Variants in NELFCD observed in about 807,000 individuals in gnomAD.
The protein encoded by NELFCD is negative elongation factor C/D.
Under a neutral mutation model 72.9 loss-of-function variants are expected in NELFCD, and 48 were observed. The ratio of observed to expected loss-of-function variants is 0.66; its 90% confidence interval spans 0.52 to 0.84. NELFCD has a LOEUF of 0.84. NELFCD is among the 40% of genes least tolerant of loss of function. NELFCD has a pLI of 0.00. For missense variants in NELFCD, 538 were observed against 723.8 expected (o/e 0.74, Z 2.94); for synonymous variants, 297 against 280.6 (o/e 1.06, Z -0.59).
intron 4 of NELFCD, among the ~76,000 whole-genome samples, chr20:58,988,466 G>A (rs1310343379): frequency 1.3e-5 from 2 of 152,218 alleles, no homozygotes; most frequent in African/African-American, 4.8e-5. Flanking sequence ...AGGATGGCAG[G>A]TTCAGAGCAC....
rs769402275 is a variant in NELFCD, at chr20:58,986,874, G to T, written c.286+11G>T. ...GGCTCATTCAGACAGGTGCTTTGTG[G>T]GTGTCCCCTGTCCTGGCTAGTTACC... On this transcript the variant is annotated intron_variant, in intron 3 of 14. Transcript: ENST00000652272. This position sits in a 1 kb window ranked among gnomAD's most constrained non-coding sequence, Gnocchi z 4.4. 3 of 1,589,590 alleles carry T rather than the reference G, an allele frequency of 1.9e-6. No homozygotes were observed. The South Asian group carries it at 3.3e-5, about 18-fold the overall frequency.
chr20:58,993,325 G>A lies in NELFCD; in HGVS notation c.1345-124G>A. The A allele has an allele frequency of 1.0e-6, 1 of 964,768 alleles. No homozygotes were observed. Among genetic ancestry groups the A allele is most frequent in the East Asian group, 2.6e-5 (1 of 38,630 alleles). 59.8% of individuals were successfully genotyped at this position (964,768 alleles called of 1,614,324 possible). A position where few individuals can be genotyped will look rare whatever the true frequency, so the allele number is the denominator to read the frequency against. On this transcript the variant is annotated intron_variant, in intron 11 of 14. Transcript: ENST00000652272. This position sits in a 1 kb window ranked among gnomAD's most constrained non-coding sequence, Gnocchi z 5.0. Reference sequence around the variant, plus strand: ...AGTGTTACTGGAAGCTGATGGCCCTGGCTTAGGTGTCAGGACCTTCTTCCA... The same window carrying A: ...AGTGTTACTGGAAGCTGATGGCCCTAGCTTAGGTGTCAGGACCTTCTTCCA...
At chr20:58,988,755 T>C (rs951955004) in intron 4 of NELFCD, among the ~76,000 whole-genome samples, 159 bp from the exon 5 acceptor site, 22 of 152,194 alleles carry the variant, frequency 1.4e-4, no homozygotes, top group African/African-American at 5.3e-4. Context: ...CTCAGCCGAC[T>C]GTGTGGCTGT....
At chr20:58,984,948 G>C (rs911114831) in intron 1 of NELFCD, among the ~76,000 whole-genome samples, 2 of 152,242 alleles carry the variant, frequency 1.3e-5, no homozygotes, top group Non-Finnish European at 2.9e-5. Context: ...TGGTCTGAGA[G>C]AAGACTCCAC....
intron 1 of NELFCD, among the ~76,000 whole-genome samples, chr20:58,984,607 A>G (rs1027878701): frequency 6.6e-6 from 1 of 152,144 alleles, no homozygotes; most frequent in Non-Finnish European, 1.5e-5. Flanking sequence ...TTACGGAAAT[A>G]TGGGTTGTAG....
intron 14 of NELFCD, 43 bp from the exon 15 acceptor site, chr20:58,994,599 C>T (rs1396090858): frequency 7.9e-7 from 1 of 1,267,126 alleles, no homozygotes; most frequent in Admixed American, 1.9e-5. Context: ...ATGTCATGTT[C>T]TACTTCCTGT....
chr20:58,993,703 T>A lies in NELFCD; in HGVS notation c.1520T>A (p.Ile507Asn). 6.2e-7 allele frequency: 1 copy of A among 1,614,222 alleles called. No homozygotes were observed. The highest frequency in any genetic ancestry group is 1.1e-5 in the South Asian group (1 of 91,084). Residue 507 changes from isoleucine to asparagine, a missense_variant, in exon 13 of 15, where the codon ATC (isoleucine) becomes AAC (asparagine). This residue lies in a region of NELFCD where 136 missense variants were observed against 154.0 expected (regional missense o/e 0.88). Coordinates refer to ENST00000652272, the MANE Select transcript of NELFCD (RefSeq NM_198976.4). The surrounding 1 kb of genome is among the most constrained non-coding windows in gnomAD (Gnocchi z 5.0). ...RGYVLPVVSY[I>N]RKCLEKLDTD... Reference sequence around the variant, plus strand: ...TATGTACTTCCTGTTGTCAGTTACATCCGAAAGTGTCTGGAGAAGCTGGAC... The same window carrying A: ...TATGTACTTCCTGTTGTCAGTTACAACCGAAAGTGTCTGGAGAAGCTGGAC...
At chr20:58,983,737 C>G (rs2091753242) in intron 1 of NELFCD, among the ~76,000 whole-genome samples, 1 of 151,996 alleles carries the variant, frequency 6.6e-6, no homozygotes, top group South Asian at 2.1e-4. Flanking sequence ...CACCTTGAGG[C>G]TTTGAGTCAT....
In NELFCD at chr20:58,986,059, A is replaced by G. The variant is rs1261391354; in HGVS notation, c.61-34A>G. On this transcript the variant is annotated intron_variant, in intron 1 of 14. Transcript: ENST00000652272. The surrounding 1 kb of genome is among the most constrained non-coding windows in gnomAD (Gnocchi z 4.4). ...GAGATTAGGGTATTTGTATTAATGA[A>G]AAAAATATCCTGGCTCTTCGCATTT... 1 of 1,462,668 alleles carries G rather than the reference A, an allele frequency of 6.8e-7. No homozygotes were observed. The highest frequency in any genetic ancestry group is 1.7e-5 in the Admixed American group (1 of 59,832). 90.6% of individuals were successfully genotyped at this position (1,462,668 alleles called of 1,614,324 possible).
In NELFCD at chr20:58,994,351, G is replaced by C. The variant is rs1004395162; in HGVS notation, c.1711+112G>C. ...GGCCAAGGTGGGTGGATCACCTGAG[G>C]TTGGGAGTTCAAGACCAGCCCGACC... On this transcript the variant is annotated intron_variant, in intron 14 of 14. Coordinates refer to ENST00000652272, the MANE Select transcript of NELFCD (RefSeq NM_198976.4). The C allele has an allele frequency of 2.6e-6, 3 of 1,166,088 alleles. No individual in the cohort carries two copies. In the South Asian group the frequency reaches 4.2e-5, roughly 16 times the overall value. The allele number at this position is 1,166,088 out of a possible 1,614,324, so 72.2% of individuals were successfully genotyped here.
chr20:58,989,296 T>C, intron 5 of NELFCD, 192 bp from the exon 6 acceptor site: 1 of 682,984 alleles, frequency 1.5e-6, no homozygotes, highest in African/African-American at 1.8e-5. Context: ...CTCTTGCATA[T>C]GAAGAAACGA....
At position 58,991,900 on chromosome 20, in the gene NELFCD, A is replaced by G. The variant is rs776654303; in HGVS notation, c.1109A>G (p.Asn370Ser). 1.7e-5 allele frequency: 28 copies of G among 1,614,130 alleles called. No homozygotes were observed. The South Asian group carries it at 1.9e-4, about 11-fold the overall frequency. The change falls in exon 10 of 15, where the codon AAT becomes AGT. Residue 370 changes from asparagine to serine, a missense_variant. Around this residue, in one of 3 missense-constraint regions of NELFCD, gnomAD observed 355 missense variants for 534.5 expected, o/e 0.66. Coordinates refer to ENST00000652272, the MANE Select transcript of NELFCD (RefSeq NM_198976.4). Reference protein sequence around the residue: ...TWKKNKRVSINKDELKSTSKA... With the variant: ...TWKKNKRVSISKDELKSTSKA... ...TTTCAGAACAAGCGAGTGAGCATCAATAAAGATGAGCTGAAGTCAACGTCA... is the reference window on the plus strand; with the variant it reads ...TTTCAGAACAAGCGAGTGAGCATCAGTAAAGATGAGCTGAAGTCAACGTCA...
At chr20:58,985,679 A>G (rs2091766618) in intron 1 of NELFCD, among the ~76,000 whole-genome samples, 1 of 152,248 alleles carries the variant, frequency 6.6e-6, no homozygotes, top group South Asian at 2.1e-4. Context: ...AGTGAAAACA[A>G]TAATAATAAT....
Position 58,986,348 on chromosome 20 carries a change from C to CTT in NELFCD, c.176+154_176+155dup, listed in dbSNP as rs1173622375. On this transcript the variant is annotated intron_variant, in intron 2 of 14. Transcript: ENST00000652272. The surrounding 1 kb of genome is among the most constrained non-coding windows in gnomAD (Gnocchi z 4.4). ...CTTCAAGGGGGGGTCCCCTCTGCCA[C>CTT]TTTTTTTTTTTTTTTAAATTTTTTT... is the stretch of plus-strand genomic sequence containing the variant. 3.3e-3 allele frequency: 1,529 copies of CTT among 467,536 alleles called. No homozygotes were observed. The highest frequency in any genetic ancestry group is 6.6e-3 in the Middle Eastern group (12 of 1,808). 29.0% of individuals were successfully genotyped at this position (467,536 alleles called of 1,614,324 possible).
intron 14 of NELFCD, 71 bp downstream of exon 14, chr20:58,994,310 TC>T (rs1194925510): frequency 1.3e-6 from 2 of 1,544,966 alleles, no homozygotes; most frequent in African/African-American, 2.7e-5. Context: ...ATGCCTGTAA[TC>T]CCAGCACTTT....
At chr20:58,981,400 A>G in intron 1 of NELFCD, 31 bp downstream of exon 1, 1 of 997,442 alleles carries the variant, frequency 1.0e-6, no homozygotes, top group Non-Finnish European at 1.2e-6. Flanking sequence ...CACCCTAGAG[A>G]GAATCGTTCG....
At position 58,994,181 on chromosome 20, in the gene NELFCD, C is replaced by T. The variant is rs1569060670; in HGVS notation, c.1653C>T (p.Asp551=). ...VQLFLPILEN[D]SIAGTIKTEG... ...TTTTCCTCCCCATCCTGGAGAATGA[C>T]AGCATCGCAGGTACCATCAAAACGG... Residue 551 remains aspartate (D), a synonymous_variant, in exon 14 of 15, where the codon GAC becomes GAT. Coordinates refer to ENST00000652272, the MANE Select transcript of NELFCD (RefSeq NM_198976.4). 1.2e-6 allele frequency: 2 copies of T among 1,614,192 alleles called. No homozygotes were observed. Among genetic ancestry groups the T allele is most frequent in the Non-Finnish European group, 8.5e-7 (1 of 1,180,002 alleles).
chr20:58,992,866 A>AAGG, intron 10 of NELFCD, 132 bp from the exon 11 acceptor site: 1 of 567,508 alleles, frequency 1.8e-6, no homozygotes, highest in Non-Finnish European at 3.2e-6. Context: ...AAAAAAAAAA[A>AAGG]GGGTTGGGGG....
At position 58,994,254 on chromosome 20, in the gene NELFCD, C is replaced by T. The variant is rs369083202; in HGVS notation, c.1711+15C>T. On this transcript the variant is annotated intron_variant, in intron 14 of 14. Coordinates refer to ENST00000652272, the MANE Select transcript of NELFCD (RefSeq NM_198976.4). ...GGAGTTTATAGGTGAGGCCGACTGC[C>T]TAGCCCTTTACTACAATAGAAAATG... 5 of 1,613,220 alleles carry T rather than the reference C, an allele frequency of 3.1e-6. No individual in the cohort carries two copies. The Admixed American group carries it at 8.3e-5, about 27-fold the overall frequency.
Sources: allele counts gnomAD v4.1 joint callset (sites outside exome capture counted in the v4.1 genomes callset), GRCh38; gene constraint gnomAD v4.1.1; regional missense constraint gnomAD v4.1.1; non-coding constraint Gnocchi (gnomAD v3.1); transcripts MANE v1.5; gene names NCBI Gene and HGNC (gene_info 2026-07-23, HGNC 2026-07-21).